Variants in TLL1 observed in about 807,000 individuals in gnomAD.
TLL1 encodes tolloid-like protein 1.
Under a neutral mutation model 128.2 loss-of-function variants are expected in TLL1, and 49 were observed. The ratio of observed to expected loss-of-function variants is 0.38; its 90% CI spans 0.30 to 0.48. TLL1 has a LOEUF of 0.48. Ranked by LOEUF, TLL1 falls within the 20% of genes least tolerant of loss-of-function variation. TLL1 has a pLI of 0.96. For synonymous variants in TLL1, 454 were observed against 418.8 expected (o/e 1.08, Z -1.03); for missense variants, 1,123 against 1,242.0 (o/e 0.90, Z 1.44).
chr4:166,040,792 AT>A (rs1174230746), intron 10 of TLL1, among the ~76,000 whole-genome samples: 3 of 152,222 alleles, frequency 2.0e-5, no homozygotes, highest in African/African-American at 4.8e-5. Flanking sequence ...TTGCTTTGCA[AT>A]TTAGGACAAT....
chr4:166,088,768 C>T (rs1048039867), intron 18 of TLL1, among the ~76,000 whole-genome samples: 2 of 152,058 alleles, frequency 1.3e-5, no homozygotes, highest in African/African-American at 4.8e-5. Context: ...CAGTTGGCAC[C>T]AGACCAGCTG....
At chr4:165,900,054 AT>A (rs546256716) in intron 1 of TLL1, among the ~76,000 whole-genome samples, 5,288 of 126,748 alleles carry the variant, frequency 0.042, 194 homozygotes, top group African/African-American at 0.11. Context: ...GCTTTCCCTG[AT>A]TTTTTTTTTT....
chr4:166,063,088 C>A (rs1182066639), intron 15 of TLL1, among the ~76,000 whole-genome samples: 1 of 151,942 alleles, frequency 6.6e-6, no homozygotes, highest in South Asian at 2.1e-4. Flanking sequence ...TACAATCTAC[C>A]CATCTGACAA....
intron 1 of TLL1, among the ~76,000 whole-genome samples, chr4:165,914,742 C>G (rs1322853577): frequency 6.6e-6 from 1 of 152,158 alleles, no homozygotes; most frequent in African/African-American, 2.4e-5. Flanking sequence ...GGACCCTGAA[C>G]TTAGGGAACT....
intron 7 of TLL1, 47 bp downstream of exon 7, chr4:166,008,095 A>T (rs759147769): frequency 7.2e-7 from 1 of 1,382,958 alleles, no homozygotes; most frequent in Non-Finnish European, 1.0e-6. Context: ...CCTTTCCTCC[A>T]TGTGGCTCCT....
chr4:165,883,712 A>G (rs1252920512), intron 1 of TLL1, among the ~76,000 whole-genome samples: 1 of 152,164 alleles, frequency 6.6e-6, no homozygotes. Context: ...TTTGTGGGAT[A>G]AATGTCTTTG....
rs1365193672 is a variant in TLL1, at chr4:165,941,348, G to A, written c.170-48033G>A. Among the ~76,000 whole-genome samples the A allele has an allele frequency of 2.0e-5, 3 of 151,956 alleles. 1 individual carries two copies. The South Asian group carries it at 6.2e-4, about 32-fold the overall frequency. On this transcript the variant is annotated intron_variant, in intron 1 of 20. Transcript: ENST00000061240. ...TAAATTGAACTTGTCGTAATGATGA[G>A]GCAAGAATCCCATTTTAGGAAAGAG...
At chr4:165,982,966 T>C (rs894322851) in intron 1 of TLL1, among the ~76,000 whole-genome samples, 1 of 151,852 alleles carries the variant, frequency 6.6e-6, no homozygotes. Flanking sequence ...GAAATATAAA[T>C]AAACTAAATC....
intron 1 of TLL1, among the ~76,000 whole-genome samples, chr4:165,875,288 A>G (rs1730676164): frequency 6.6e-6 from 1 of 152,084 alleles, no homozygotes; most frequent in Non-Finnish European, 1.5e-5. Context: ...TTGGGCCTGG[A>G]GGAAGGAGAG....
chr4:166,038,190 T>C (rs916930767), intron 9 of TLL1, among the ~76,000 whole-genome samples: 8 of 152,202 alleles, frequency 5.3e-5, no homozygotes, highest in African/African-American at 1.7e-4. Context: ...GATTATGTTT[T>C]TATTTTCCTT....
intron 18 of TLL1, among the ~76,000 whole-genome samples, chr4:166,088,063 A>C (rs1240103399): frequency 3.3e-5 from 5 of 152,170 alleles, no homozygotes; most frequent in Non-Finnish European, 7.3e-5. Context: ...AAAGTCTTAA[A>C]CACTTAAGAA....
At chr4:165,967,231 G>C (rs2110971221) in intron 1 of TLL1, among the ~76,000 whole-genome samples, 1 of 152,298 alleles carries the variant, frequency 6.6e-6, no homozygotes, top group East Asian at 1.9e-4. Context: ...CAGCCATCTT[G>C]TTCCTTTGGA....
chr4:165,933,326 G>A (rs1733613729), intron 1 of TLL1, among the ~76,000 whole-genome samples: 1 of 152,058 alleles, frequency 6.6e-6, no homozygotes, highest in Non-Finnish European at 1.5e-5. Context: ...AGATCTGAGT[G>A]TTGTTCCCCA....
chr4:165,884,604 G>A (rs1731094218), intron 1 of TLL1, among the ~76,000 whole-genome samples: 1 of 152,238 alleles, frequency 6.6e-6, no homozygotes, highest in Admixed American at 6.5e-5. Context: ...GGGAGGCTGA[G>A]ACAGGTGGAT....
intron 1 of TLL1, among the ~76,000 whole-genome samples, chr4:165,880,370 G>A (rs951101218): frequency 1.3e-5 from 2 of 152,168 alleles, no homozygotes; most frequent in African/African-American, 4.8e-5. Flanking sequence ...AGTGAAGCAA[G>A]GTGGTGTTTA....
intron 15 of TLL1, among the ~76,000 whole-genome samples, chr4:166,065,358 G>A (rs943541399): frequency 6.6e-6 from 1 of 152,038 alleles, no homozygotes; most frequent in African/African-American, 2.4e-5. Flanking sequence ...GTTTCTGGGA[G>A]ACAGTACTGG....
rs1015351222 is a variant in TLL1, at chr4:165,873,347, C to T, written c.-558C>T. 2 of 153,670 alleles carry T rather than the reference C, an allele frequency of 1.3e-5. No individual in the cohort carries two copies. Among genetic ancestry groups the T allele is most frequent in the South Asian group, 4.1e-4 (2 of 4,844 alleles). The allele number at this position is 153,670 out of a possible 1,614,324, so 9.5% of individuals were successfully genotyped here. On this transcript the variant is annotated 5_prime_UTR_variant, in exon 1 of 21. Coordinates refer to ENST00000061240, the MANE Select transcript of TLL1 (RefSeq NM_012464.5). ...GGCGTAGAAATGCCTGGCCCCCACCCCCTTCCTCGGTCTCCCCTTTCAATT... is the reference window on the plus strand; with the variant it reads ...GGCGTAGAAATGCCTGGCCCCCACCTCCTTCCTCGGTCTCCCCTTTCAATT...
At chr4:166,023,141 G>C (rs1382361261) in intron 8 of TLL1, among the ~76,000 whole-genome samples, 1 of 152,206 alleles carries the variant, frequency 6.6e-6, no homozygotes, top group Admixed American at 6.5e-5. Flanking sequence ...GCTCACGCCT[G>C]TAACCCCAGC....
intron 1 of TLL1, among the ~76,000 whole-genome samples, chr4:165,944,054 A>G (rs873245): frequency 0.05 from 7,561 of 152,166 alleles, 570 homozygotes; most frequent in African/African-American, 0.16. Context: ...CCCCTTTGGA[A>G]GTACATGTAG....
Sources: allele counts gnomAD v4.1 joint callset (sites outside exome capture counted in the v4.1 genomes callset), GRCh38; gene constraint gnomAD v4.1.1; transcripts MANE v1.5; gene names NCBI Gene and HGNC (gene_info 2026-07-23, HGNC 2026-07-21).